Variants in TIAM1 observed in about 807,000 individuals in gnomAD.
TIAM1 encodes TIAM Rac1 associated GEF 1.
A neutral mutation model predicts 163.5 loss-of-function variants in TIAM1; 65 were observed. That is an observed-to-expected ratio of 0.40 (90% confidence interval 0.33 to 0.49). The LOEUF (loss-of-function observed/expected upper bound fraction) is 0.49. Among genes scored for constraint, TIAM1 ranks in the 20% least tolerant of loss-of-function variants. The pLI is 0.77. For missense variants in TIAM1, 1,789 were observed against 2,044.7 expected (o/e 0.87, Z 2.41); for synonymous variants, 833 against 810.1 (o/e 1.03, Z -0.48).
intron 2 of TIAM1, among the ~76,000 whole-genome samples, chr21:31,292,663 C>T (rs1431983897): frequency 6.7e-6 from 1 of 149,468 alleles, no homozygotes; most frequent in Non-Finnish European, 1.5e-5. Context: ...AGCCACCGTG[C>T]CTGGCACTTT....
chr21:31,251,606 A>C (rs2071807288), intron 5 of TIAM1, 136 bp downstream of exon 5: 1 of 918,384 alleles, frequency 1.1e-6, no homozygotes, highest in East Asian at 2.6e-5. Flanking sequence ...TACTATGATA[A>C]ATGTTTTAAA....
chr21:31,358,550 T>C (rs545248846), intron 2 of TIAM1, among the ~76,000 whole-genome samples: 34 of 152,260 alleles, frequency 2.2e-4, no homozygotes, highest in African/African-American at 7.7e-4. Flanking sequence ...CTAAGGGCAA[T>C]TGAACCCTCC....
chr21:31,524,253 T>C (rs1407185132), intron 1 of TIAM1, among the ~76,000 whole-genome samples: 2 of 152,116 alleles, frequency 1.3e-5, no homozygotes, highest in African/African-American at 2.4e-5. Flanking sequence ...CAGGGAGCTT[T>C]TACTCATGGT....
chr21:31,422,132 C>T (rs7277292), intron 2 of TIAM1, among the ~76,000 whole-genome samples: 18,998 of 152,130 alleles, frequency 0.12, 1,776 homozygotes, highest in African/African-American at 0.26. Flanking sequence ...TTCCTGTTTT[C>T]GTAAGCCACC....
rs759025881 is a variant in TIAM1, at chr21:31,119,512, C to A, written c.*856G>T. ...CTTTTTGGAAGAAAAGTATATCCTT[C>A]GCATGAGCTTGCTGGCCTTTCATAT... On this transcript the variant is annotated 3_prime_UTR_variant, in exon 28 of 28. Coordinates refer to ENST00000541036, the MANE Select transcript of TIAM1 (RefSeq NM_001353694.2). 4 of 152,356 alleles carry A rather than the reference C, an allele frequency of 2.6e-5. No homozygotes were observed. The highest frequency in any genetic ancestry group is 4.4e-5 in the Non-Finnish European group (3 of 68,002). 9.4% of individuals were successfully genotyped at this position (152,356 alleles called of 1,614,324 possible). A position where few individuals can be genotyped will look rare whatever the true frequency, so the allele number is the denominator to read the frequency against.
At chr21:31,529,105 G>C (rs2047889599) in intron 1 of TIAM1, among the ~76,000 whole-genome samples, 1 of 151,614 alleles carries the variant, frequency 6.6e-6, no homozygotes, top group African/African-American at 2.4e-5. Flanking sequence ...ATTTTTAGTA[G>C]AGACGGGGTT....
chr21:31,134,537 G>C (rs2082543044), intron 23 of TIAM1, among the ~76,000 whole-genome samples: 1 of 152,078 alleles, frequency 6.6e-6, no homozygotes, highest in Non-Finnish European at 1.5e-5. Flanking sequence ...TTGAGACAGA[G>C]TCTTGCTCTG....
At chr21:31,228,245 A>ATATGATAAGGATTTTTCCTTT (rs774208885) in intron 6 of TIAM1, among the ~76,000 whole-genome samples, 1 of 67,090 alleles carries the variant, frequency 1.5e-5, no homozygotes, top group Non-Finnish European at 3.8e-5. Flanking sequence ...AAAAAAAAAA[A>ATATGATAAGGATTTTTCCTTT]AAAAAAAAAA....
intron 2 of TIAM1, among the ~76,000 whole-genome samples, chr21:31,297,725 A>C (rs2074340035): frequency 6.6e-6 from 1 of 152,150 alleles, no homozygotes; most frequent in Admixed American, 6.5e-5. Context: ...TCACCTGAAA[A>C]CAGTTACAAT....
At chr21:31,422,369 T>TGAGCAGTG (rs2043608621) in intron 2 of TIAM1, among the ~76,000 whole-genome samples, 1 of 152,198 alleles carries the variant, frequency 6.6e-6, no homozygotes, top group African/African-American at 2.4e-5. Flanking sequence ...GCAGTTTTCT[T>TGAGCAGTG]GTTCCTCTGA....
At chr21:31,225,624 A>C (rs1175120795) in intron 7 of TIAM1, 102 bp downstream of exon 7, 11 of 901,834 alleles carry the variant, frequency 1.2e-5, no homozygotes, top group Non-Finnish European at 1.9e-5. Flanking sequence ...TGTCGAGGAG[A>C]TATCCGATGA....
At chr21:31,216,499 C>A (rs1226890819) in intron 9 of TIAM1, among the ~76,000 whole-genome samples, 1 of 152,102 alleles carries the variant, frequency 6.6e-6, no homozygotes, top group South Asian at 2.1e-4. Flanking sequence ...TTCCTTTAGT[C>A]CCTGAAATCT....
intron 1 of TIAM1, among the ~76,000 whole-genome samples, chr21:31,501,151 A>G (rs1376164826): frequency 6.6e-6 from 1 of 152,148 alleles, no homozygotes; most frequent in Non-Finnish European, 1.5e-5. Flanking sequence ...GATTCCCCCA[A>G]GGGATAAAGA....
chr21:31,325,161 G>A (rs2075443697), intron 2 of TIAM1, among the ~76,000 whole-genome samples: 1 of 151,656 alleles, frequency 6.6e-6, no homozygotes, highest in Non-Finnish European at 1.5e-5. Flanking sequence ...GTGTGCAGCC[G>A]TAGTCCCACC....
chr21:31,195,413 TGC>T (rs1204484294), intron 12 of TIAM1, 108 bp from the exon 13 acceptor site: 1 of 767,708 alleles, frequency 1.3e-6, no homozygotes, highest in Admixed American at 2.6e-5. Context: ...TACGTGAATT[TGC>T]ACTTCACAAT....
At chr21:31,361,312 C>T (rs2076402932) in intron 2 of TIAM1, among the ~76,000 whole-genome samples, 1 of 152,002 alleles carries the variant, frequency 6.6e-6, no homozygotes, top group Non-Finnish European at 1.5e-5. Flanking sequence ...AACTACAGTG[C>T]TTAAGAATCT....
intron 1 of TIAM1, among the ~76,000 whole-genome samples, chr21:31,464,845 GAAA>G (rs35141475): frequency 0.035 from 3,557 of 100,324 alleles, 175 homozygotes; most frequent in African/African-American, 0.12. Flanking sequence ...TCCGTCTCGG[GAAA>G]AAAAAAAAAA....
intron 27 of TIAM1, chr21:31,124,171 G>T: frequency 4.9e-6 from 1 of 205,904 alleles, no homozygotes; most frequent in Non-Finnish European, 9.6e-6. Flanking sequence ...TGGCTGTCAT[G>T]CAAAGCAGCG....
chr21:31,297,418 G>A (rs968598211), intron 2 of TIAM1, among the ~76,000 whole-genome samples: 4 of 151,994 alleles, frequency 2.6e-5, no homozygotes, highest in Admixed American at 1.3e-4. Context: ...CCTTTGAGAC[G>A]GAGTCTCGCT....
Sources: allele counts gnomAD v4.1 joint callset (sites outside exome capture counted in the v4.1 genomes callset), GRCh38; gene constraint gnomAD v4.1.1; transcripts MANE v1.5; gene names NCBI Gene and HGNC (gene_info 2026-07-23, HGNC 2026-07-21).